DMGDH: variants seen among roughly 807,000 people sequenced by gnomAD.
The protein encoded by DMGDH is dimethylglycine dehydrogenase.
Under a neutral mutation model 95.2 loss-of-function variants are expected in DMGDH, and 76 were observed. The ratio of observed to expected loss-of-function variants is 0.80; its 90% confidence interval spans 0.66 to 0.97. The LOEUF (loss-of-function observed/expected upper bound fraction) is 0.97. Among genes scored for constraint, DMGDH ranks in the 50% least tolerant of loss-of-function variants. DMGDH has a pLI of 0.00. For missense variants in DMGDH, 987 were observed against 1,055.0 expected (o/e 0.94, Z 0.89); for synonymous variants, 345 against 377.6 (o/e 0.91, Z 1.00).
At chr5:79,037,724 T>C (rs1229410182) in intron 7 of DMGDH, among the ~76,000 whole-genome samples, 1 of 152,208 alleles carries the variant, frequency 6.6e-6, no homozygotes, top group Non-Finnish European at 1.5e-5. Context: ...AGCAATTAGT[T>C]AATAGGTGTT....
At chr5:79,062,796 A>T (rs1471266391) in intron 2 of DMGDH, among the ~76,000 whole-genome samples, 2 of 152,204 alleles carry the variant, frequency 1.3e-5, no homozygotes, top group Admixed American at 1.3e-4. Flanking sequence ...CTCACAGCAT[A>T]AAATTAAAAC....
intron 14 of DMGDH, chr5:79,021,783 A>G (rs1225250814): frequency 8.5e-7 from 1 of 1,174,934 alleles, no homozygotes; most frequent in Non-Finnish European, 1.1e-6. Flanking sequence ...AGAGAGAGAA[A>G]TTCTTGGGCA....
chr5:79,053,311 C>A (rs1337238452), intron 4 of DMGDH, among the ~76,000 whole-genome samples: 1 of 152,016 alleles, frequency 6.6e-6, no homozygotes, highest in Non-Finnish European at 1.5e-5. Context: ...ATCCTACTAC[C>A]CCACACTCAG....
intron 15 of DMGDH, among the ~76,000 whole-genome samples, 175 bp from the exon 16 acceptor site, chr5:78,998,472 T>C (rs1327663813): frequency 1.3e-5 from 2 of 152,218 alleles, no homozygotes; most frequent in East Asian, 1.9e-4. Context: ...TTTGAGAAGA[T>C]GAATGAAAGT....
chr5:79,046,543 A>T (rs1240020376), intron 5 of DMGDH, among the ~76,000 whole-genome samples: 1 of 152,162 alleles, frequency 6.6e-6, no homozygotes, highest in East Asian at 1.9e-4. Context: ...ACATATCACC[A>T]TGCCTGGCTA....
chr5:79,054,625 A>G (rs56880920), intron 3 of DMGDH, among the ~76,000 whole-genome samples: 25,609 of 152,154 alleles, frequency 0.17, 2,702 homozygotes, highest in African/African-American at 0.3. Flanking sequence ...TTTATACCCC[A>G]CAGTTGAAGA....
At chr5:79,043,221 AGCAC>A (rs1754564399) in intron 6 of DMGDH, among the ~76,000 whole-genome samples, 1 of 152,212 alleles carries the variant, frequency 6.6e-6, no homozygotes, top group Non-Finnish European at 1.5e-5. Flanking sequence ...AGGGTGGACT[AGCAC>A]ACACGGGTAC....
At chr5:79,049,391 A>C (rs1198656263) in intron 5 of DMGDH, among the ~76,000 whole-genome samples, 1 of 152,260 alleles carries the variant, frequency 6.6e-6, no homozygotes, top group Non-Finnish European at 1.5e-5. Flanking sequence ...AATGTCAATC[A>C]GGAATGTATG....
chr5:79,033,311 G>A lies in DMGDH; in HGVS notation c.1291C>T (p.Arg431Cys), dbSNP rs778394636. The change falls in exon 8 of 16, where the codon CGC becomes TGC. Residue 431 changes from arginine to cysteine, a missense_variant. Coordinates refer to ENST00000255189, the MANE Select transcript of DMGDH (RefSeq NM_013391.3). ...TGGGTTGTTGTCCATTTGCCATAGCGATTAGGATCCAATTCTATCAGATCA... is the reference window on the plus strand; with the variant it reads ...TGGGTTGTTGTCCATTTGCCATAGCAATTAGGATCCAATTCTATCAGATCA... ...PFDLIELDPNRYGKWTTTQYT... is the reference protein window; with the variant it reads ...PFDLIELDPNCYGKWTTTQYT... 3.0e-5 allele frequency: 48 copies of A among 1,613,984 alleles called. No individual in the cohort carries two copies. The highest frequency in any genetic ancestry group is 3.7e-5 in the Non-Finnish European group (44 of 1,180,026).
chr5:79,064,755 C>CT (rs202161601), intron 1 of DMGDH, among the ~76,000 whole-genome samples: 6 of 149,508 alleles, frequency 4.0e-5, no homozygotes, highest in Admixed American at 6.7e-5. Context: ...ACTTTTCAAA[C>CT]TTTTTTTTTT....
At chr5:79,044,272 G>C in intron 6 of DMGDH, 32 bp downstream of exon 6, 1 of 1,614,016 alleles carries the variant, frequency 6.2e-7, no homozygotes, top group South Asian at 1.1e-5. Flanking sequence ...ATTCATGTCT[G>C]ACTAGCACAC....
intron 5 of DMGDH, among the ~76,000 whole-genome samples, chr5:79,045,842 A>G (rs1393121909): frequency 1.3e-5 from 2 of 152,214 alleles, no homozygotes; most frequent in East Asian, 1.9e-4. Flanking sequence ...TCCAAGCTAG[A>G]CAGAGAATCA....
At chr5:79,061,248 C>T (rs976036415) in intron 2 of DMGDH, among the ~76,000 whole-genome samples, 34 of 147,526 alleles carry the variant, frequency 2.3e-4, no homozygotes, top group Admixed American at 1.7e-3. Context: ...CACACACACA[C>T]ACACACACAC....
chr5:79,046,677 T>A (rs1268587091), intron 5 of DMGDH, among the ~76,000 whole-genome samples: 1 of 152,250 alleles, frequency 6.6e-6, no homozygotes, highest in East Asian at 1.9e-4. Context: ...TTTTAGTAAT[T>A]TTGAGACTTA....
At position 79,035,028 on chromosome 5, in the gene DMGDH, A is replaced by G. The variant is rs574763714; in HGVS notation, c.1194-1620T>C. ...GCCGAGATCGCGCCACTGCACTCCA[A>G]CCTGGGAGACACAGCGAGACTCCAT... On this transcript the variant is annotated intron_variant, in intron 7 of 15. Transcript: ENST00000255189. Among the ~76,000 whole-genome samples the G allele has an allele frequency of 6.7e-3, 933 of 139,854 alleles. 5 individuals carry two copies. The highest frequency in any genetic ancestry group is 9.8e-3 in the Non-Finnish European group (644 of 65,816). The allele number at this position is 139,854 out of a possible 152,430, so 91.7% of individuals were successfully genotyped here.
intron 15 of DMGDH, chr5:79,000,641 C>CTTTCTTTGCCTCTGG (rs1753437488): frequency 1.6e-6 from 1 of 613,876 alleles, no homozygotes; most frequent in South Asian, 1.4e-5. Context: ...TCTTCAGTTT[C>CTTTCTTTGCCTCTGG]TTTCTTTGCC....
At chr5:79,042,952 C>G (rs1754558090) in intron 6 of DMGDH, among the ~76,000 whole-genome samples, 1 of 152,156 alleles carries the variant, frequency 6.6e-6, no homozygotes, top group Non-Finnish European at 1.5e-5. Context: ...CCCCTTTTAA[C>G]TCTCCTTTCA....
intron 5 of DMGDH, 116 bp from the exon 6 acceptor site, chr5:79,044,668 G>T: frequency 8.4e-7 from 1 of 1,184,306 alleles, no homozygotes; most frequent in Non-Finnish European, 1.2e-6. Context: ...TCATGGCAAA[G>T]TCTAATAAAT....
At chr5:79,051,186 C>T in intron 5 of DMGDH, 101 bp downstream of exon 5, 2 of 1,280,632 alleles carry the variant, frequency 1.6e-6, no homozygotes, top group South Asian at 2.4e-5. Context: ...GGGAGCATCA[C>T]AGTGCTTCAT....
Sources: gnomAD v4.1 joint callset for allele counts (sites outside exome capture counted in the v4.1 genomes callset) on GRCh38, gnomAD v4.1.1 for gene constraint, MANE v1.5 for transcripts, NCBI Gene and HGNC (gene_info 2026-07-23, HGNC 2026-07-21) for gene names.